NIFK: variants seen among roughly 807,000 people sequenced by gnomAD.
The protein encoded by NIFK is nucleolar protein interacting with the FHA domain of MKI67.
Under a neutral mutation model 31.7 loss-of-function variants are expected in NIFK, and 16 were observed. The observed-to-expected ratio is 0.50, with a 90% CI of 0.34 to 0.77. The LOEUF (loss-of-function observed/expected upper bound fraction) is 0.77, where lower values mean the gene tolerates loss of function less well. Ranked by LOEUF, NIFK falls within the 30% of genes least tolerant of loss-of-function variation. The pLI is 0.01. For synonymous variants in NIFK, 126 were observed against 123.0 expected, an observed-to-expected ratio of 1.02 and a Z score of -0.16; for missense variants, 341 against 350.4, an observed-to-expected ratio of 0.97 and a Z score of 0.21.
rs763588598 is a variant in NIFK, at chr2:121,727,777, T to C, written c.829A>G (p.Thr277Ala). The change falls in exon 7 of 7, where the codon ACT (threonine) becomes GCT (alanine). Residue 277 changes from threonine (T) to alanine (A), a missense_variant. Thr to Ala is a moderately conservative substitution (Grantham distance 58). Transcript: ENST00000285814. ...TTCCGTGAATGTGTAGGTGTTTGAG[T>C]CTCTTGTATTTCTTCTTTTACACAG... ...ISCVKEEIQE[T>A]QTPTHSRKKR... is the part of the protein sequence containing the mutation. The C allele has an allele frequency of 1.9e-6, 3 of 1,607,124 alleles. No individual in the cohort carries two copies. The East Asian group carries it at 6.7e-5, about 36-fold the overall frequency.
At position 121,727,801 on chromosome 2, in the gene NIFK, A is replaced by C. The variant is rs377258317; in HGVS notation, c.805T>G (p.Cys269Gly). ...GTCTCTTGTATTTCTTCTTTTACAC[A>C]GGATATGGGCTGTTTGAAAACTATT... ...DEIVFKQPIS[C>G]VKEEIQETQT... The change falls in exon 7 of 7, where the codon TGT (cysteine) becomes GGT (glycine). Residue 269 changes from cysteine to glycine, a missense_variant. By Grantham distance (159) the Cys-to-Gly change is radical. Coordinates refer to ENST00000285814, the MANE Select transcript of NIFK (RefSeq NM_032390.5). The C allele has an allele frequency of 3.1e-6, 5 of 1,610,114 alleles. No homozygotes were observed. The highest frequency in any genetic ancestry group is 4.2e-6 in the Non-Finnish European group (5 of 1,179,228).
rs189181268 is a variant in NIFK, at chr2:121,727,873, G to A, written c.733C>T (p.Arg245Ter). ...PVCTPTFLERRKSQVAELNDD... is the reference protein window; with the variant it reads ...PVCTPTFLER ...TTCAGTTCAGCCACTTGAGATTTTC[G>A]CCTCTCCAAAAATGTTGGTGTACAA... is the stretch of plus-strand genomic sequence containing the variant. Residue 245 changes from arginine (R) to a stop codon, truncating the protein, a stop_gained, in exon 7 of 7, where the codon CGA becomes TGA. Transcript: ENST00000285814. LOFTEE classifies it high-confidence loss of function. The A allele has an allele frequency of 2.7e-5, 43 of 1,606,216 alleles. No individual in the cohort carries two copies. The highest frequency in any genetic ancestry group is 8.9e-5 in the East Asian group (4 of 44,744).
At position 121,732,326 on chromosome 2, in the gene NIFK, C is replaced by T. The variant is rs748591153; in HGVS notation, c.244-122G>A. ...CCCTTATCAAATATTACGTACGACACGCTTAATTCTAACTTCAATTCACAT... is the reference window on the plus strand; with the variant it reads ...CCCTTATCAAATATTACGTACGACATGCTTAATTCTAACTTCAATTCACAT... On this transcript the variant is annotated intron_variant, in intron 2 of 6. Transcript: ENST00000285814. 6.8e-4 allele frequency: 424 copies of T among 621,952 alleles called. 1 individual carries two copies. Among genetic ancestry groups the T allele is most frequent in the Admixed American group, 5.9e-4 (20 of 34,114 alleles). 38.5% of individuals were successfully genotyped at this position (621,952 alleles called of 1,614,324 possible). A position where few individuals can be genotyped will look rare whatever the true frequency, so the allele number is the denominator to read the frequency against.
At position 121,727,220 on chromosome 2, in the gene NIFK, T is replaced by G; in HGVS notation, c.*504A>C. The G allele has an allele frequency of 3.3e-6, 1 of 302,512 alleles. No homozygotes were observed. The highest frequency in any genetic ancestry group is 6.9e-6 in the Non-Finnish European group (1 of 144,540). The allele number at this position is 302,512 out of a possible 1,614,324, so 18.7% of individuals were successfully genotyped here. On this transcript the variant is annotated 3_prime_UTR_variant, in exon 7 of 7. Transcript: ENST00000285814. Reference sequence around the variant, plus strand: ...GAATCTCTATTAAAATCTGAACACATAAACAAATCTGTGCTAAAACTGGAA... The same window carrying G: ...GAATCTCTATTAAAATCTGAACACAGAAACAAATCTGTGCTAAAACTGGAA...
In NIFK at chr2:121,736,806, A is replaced by G. The variant is rs746788074; in HGVS notation, c.45T>C (p.Asn15=). 1 of 1,614,186 alleles carries G rather than the reference A, an allele frequency of 6.2e-7. No homozygotes were observed. The highest frequency in any genetic ancestry group is 1.1e-5 in the South Asian group (1 of 91,090). The change falls in exon 1 of 7, where the codon AAT becomes AAC. Residue 15 remains asparagine (N), a synonymous_variant. Coordinates refer to ENST00000285814, the MANE Select transcript of NIFK (RefSeq NM_032390.5). ...TTTGAAACTCGACATCTTCCTGCGG[A>G]TTAAGCGACAGGATTGGCCCAGCCG... ...SGPAGPILSL[N]PQEDVEFQKE... is the part of the protein sequence containing the mutation.
intron 2 of NIFK, among the ~76,000 whole-genome samples, chr2:121,733,046 C>CA (rs1214684217): frequency 2.6e-5 from 4 of 152,000 alleles, no homozygotes; most frequent in Non-Finnish European, 4.4e-5. Context: ...CGCGCCACTG[C>CA]ACTCCAGCCT....
In NIFK at chr2:121,730,882, C is replaced by A. The variant is rs774425167; in HGVS notation, c.564+11G>T. Reference sequence around the variant, plus strand: ...ACAACAAACCACAAAAAAGATTTCACGAATATTTACCAAAGAAGGAAAATC... The same window carrying A: ...ACAACAAACCACAAAAAAGATTTCAAGAATATTTACCAAAGAAGGAAAATC... On this transcript the variant is annotated intron_variant, in intron 4 of 6. Transcript: ENST00000285814. 1 of 1,587,756 alleles carries A rather than the reference C, an allele frequency of 6.3e-7. No homozygotes were observed. Among genetic ancestry groups the A allele is most frequent in the African/African-American group, 1.3e-5 (1 of 74,346 alleles).
intron 4 of NIFK, among the ~76,000 whole-genome samples, chr2:121,729,105 C>CAGT (rs1279625566): frequency 6.6e-6 from 1 of 151,938 alleles, no homozygotes; most frequent in Non-Finnish European, 1.5e-5. Flanking sequence ...CTCACGCCTA[C>CAGT]AATCCCAGCA....
chr2:121,727,093 T>TC lies in NIFK; in HGVS notation c.*630_*631insG. The TC allele has an allele frequency of 6.0e-6, 1 of 166,780 alleles. No homozygotes were observed. The allele number at this position is 166,780 out of a possible 1,614,324, so 10.3% of individuals were successfully genotyped here. A position where few individuals can be genotyped will look rare whatever the true frequency, so the allele number is the denominator to read the frequency against. ...GCTGGTTATTGTTTGAATCTTGAAA[T>TC]ACAATTCTTCACTGATGATACTGGT... On this transcript the variant is annotated 3_prime_UTR_variant, in exon 7 of 7. Coordinates refer to ENST00000285814, the MANE Select transcript of NIFK (RefSeq NM_032390.5).
Position 121,732,145 on chromosome 2 carries a change from T to G in NIFK, c.303A>C (p.Ile101=), listed in dbSNP as rs373704889. 111 of 1,613,644 alleles carry G rather than the reference T, an allele frequency of 6.9e-5. No homozygotes were observed. The highest frequency in any genetic ancestry group is 8.2e-5 in the Non-Finnish European group (97 of 1,179,564). ...VEFESEDVAK[I]VAETMNNYLF... ...GGTAGTTGTTCATTGTTTCAGCAACTATTTTGGCAACATCCTCAGACTCAA... is the reference window on the plus strand; with the variant it reads ...GGTAGTTGTTCATTGTTTCAGCAACGATTTTGGCAACATCCTCAGACTCAA... The change falls in exon 3 of 7, where the codon ATA becomes ATC. Residue 101 remains isoleucine (I), a synonymous_variant. Transcript: ENST00000285814.
rs756785826 is a variant in NIFK, at chr2:121,736,782, T to G, written c.69A>C (p.Gln23His). 1 of 1,614,014 alleles carries G rather than the reference T, an allele frequency of 6.2e-7. No individual in the cohort carries two copies. Among genetic ancestry groups the G allele is most frequent in the African/African-American group, 1.3e-5 (1 of 74,946 alleles). Residue 23 changes from glutamine (Q) to histidine (H), a missense_variant, in exon 1 of 7, where the codon CAA (glutamine) becomes CAC (histidine). By Grantham distance (24) the Gln-to-His change is conservative. Coordinates refer to ENST00000285814, the MANE Select transcript of NIFK (RefSeq NM_032390.5). Reference sequence around the variant, plus strand: ...GCTTGCGAACCTGCGCCACCTCCTTTTGAAACTCGACATCTTCCTGCGGAT... The same window carrying G: ...GCTTGCGAACCTGCGCCACCTCCTTGTGAAACTCGACATCTTCCTGCGGAT... The part of the protein sequence containing the change: ...SLNPQEDVEF[Q>H]KEVAQVRKRI...
At chr2:121,728,640 C>G in intron 4 of NIFK, 104 bp from the exon 5 acceptor site, 2 of 658,970 alleles carry the variant, frequency 3.0e-6, no homozygotes, top group South Asian at 2.2e-5. Context: ...ATGACAAGAG[C>G]ATTTCATTTT....
chr2:121,729,809 G>A (rs2074524148), intron 4 of NIFK, among the ~76,000 whole-genome samples: 1 of 152,202 alleles, frequency 6.6e-6, no homozygotes, highest in South Asian at 2.1e-4. Context: ...GAACATGTAA[G>A]TTAAACAAAT....
Position 121,727,783 on chromosome 2 carries a change from G to T in NIFK, c.823C>A (p.Gln275Lys), listed in dbSNP as rs1448401259. The T allele has an allele frequency of 1.9e-6, 3 of 1,608,166 alleles. No homozygotes were observed. The highest frequency in any genetic ancestry group is 2.5e-6 in the Non-Finnish European group (3 of 1,178,830). ...QPISCVKEEI[Q>K]ETQTPTHSRK... is the part of the protein sequence containing the mutation. The stretch of plus-strand genomic sequence containing the variant: ...GAATGTGTAGGTGTTTGAGTCTCTT[G>T]TATTTCTTCTTTTACACAGGATATG... Residue 275 changes from glutamine to lysine, a missense_variant, in exon 7 of 7, where the codon CAA (glutamine) becomes AAA (lysine). Coordinates refer to ENST00000285814, the MANE Select transcript of NIFK (RefSeq NM_032390.5).
chr2:121,732,250 A>C (rs766230438), intron 2 of NIFK, 46 bp from the exon 3 acceptor site: 3 of 1,104,456 alleles, frequency 2.7e-6, no homozygotes, highest in Middle Eastern at 2.0e-4. Context: ...TTAAATTTGA[A>C]TGCGTCATCA....
At chr2:121,730,745 A>G in intron 4 of NIFK, 148 bp downstream of exon 4, 5 of 631,700 alleles carry the variant, frequency 7.9e-6, no homozygotes, top group Non-Finnish European at 1.4e-5. Flanking sequence ...TTGGGAGGCT[A>G]GAGGCAGGAG....
intron 2 of NIFK, among the ~76,000 whole-genome samples, chr2:121,734,552 G>A (rs2074566073): frequency 6.6e-6 from 1 of 152,092 alleles, no homozygotes; most frequent in East Asian, 1.9e-4. Context: ...CAGCACTTTG[G>A]GAGGCCGAGG....
chr2:121,736,160 GTC>G (rs1416528449), intron 1 of NIFK, among the ~76,000 whole-genome samples: 2 of 152,164 alleles, frequency 1.3e-5, no homozygotes, highest in African/African-American at 4.8e-5. Flanking sequence ...GCCTTTCAAC[GTC>G]TCAGTCATCA....
At chr2:121,730,481 A>G in intron 4 of NIFK, 1 of 172,866 alleles carries the variant, frequency 5.8e-6, no homozygotes, top group Non-Finnish European at 1.2e-5. Context: ...CGGTGAGCCA[A>G]GATCACACCA....
Sources: allele counts gnomAD v4.1 joint callset (sites outside exome capture counted in the v4.1 genomes callset), GRCh38; gene constraint gnomAD v4.1.1; transcripts MANE v1.5; gene names NCBI Gene and HGNC (gene_info 2026-07-23, HGNC 2026-07-21).